SOX5: variants seen among roughly 807,000 people sequenced by gnomAD.
SOX5 encodes the protein transcription factor SOX-5.
SOX5 carries 9 observed loss-of-function variants against 92.0 expected under a neutral mutation model. The ratio of observed to expected loss-of-function variants is 0.10; its 90% confidence interval spans 0.06 to 0.17. SOX5 has a LOEUF of 0.17. Ranked by LOEUF, SOX5 falls within the 10% of genes least tolerant of loss-of-function variation. The probability of loss-of-function intolerance (pLI) is 1.00; values close to 1 mark genes in which losing one functional copy is unlikely to be tolerated. For missense variants in SOX5, 642 were observed against 944.5 expected, an observed-to-expected ratio of 0.68 and a Z score of 4.20; for synonymous variants, 344 against 336.3, an observed-to-expected ratio of 1.02 and a Z score of -0.25.
chr12:23,828,008 A>T (rs1448199901), intron 3 of SOX5, among the ~76,000 whole-genome samples: 1 of 152,194 alleles, frequency 6.6e-6, no homozygotes, highest in East Asian at 1.9e-4. Flanking sequence ...TTTATTCCAC[A>T]TATAGTTAAC....
upstream of SOX5, among the ~76,000 whole-genome samples, chr12:23,950,271 C>T (rs945307786): frequency 5.3e-5 from 8 of 151,988 alleles, no homozygotes; most frequent in African/African-American, 1.9e-4. Flanking sequence ...CGCACACACA[C>T]ACACACACAC....
chr12:23,985,751 A>G (rs769682542), intron 4 of SOX5, among the ~76,000 whole-genome samples: 3 of 152,094 alleles, frequency 2.0e-5, no homozygotes, highest in Non-Finnish European at 4.4e-5. Flanking sequence ...TTCATGGCTA[A>G]TAACCACAGA....
chr12:23,832,304 G>C (rs2096339892), intron 3 of SOX5, among the ~76,000 whole-genome samples: 1 of 151,932 alleles, frequency 6.6e-6, no homozygotes, highest in Admixed American at 6.6e-5. Flanking sequence ...TTGGGGAAAT[G>C]TATATAAATA....
At chr12:24,506,043 A>C (rs2138214016) in intron 1 of SOX5, among the ~76,000 whole-genome samples, 1 of 152,292 alleles carries the variant, frequency 6.6e-6, no homozygotes, top group African/African-American at 2.4e-5. Context: ...TTTCCTCATG[A>C]TATACTATTA....
At chr12:23,626,265 C>A (rs2077773963) in intron 8 of SOX5, among the ~76,000 whole-genome samples, 1 of 152,020 alleles carries the variant, frequency 6.6e-6, no homozygotes, top group African/African-American at 2.4e-5. Flanking sequence ...AAACAGCATT[C>A]TGATTTCTGC....
chr12:23,701,321 T>A (rs905503672), intron 6 of SOX5, among the ~76,000 whole-genome samples: 6 of 152,044 alleles, frequency 3.9e-5, no homozygotes, highest in African/African-American at 1.4e-4. Flanking sequence ...CAAGCTTTTC[T>A]TAAGAGAAAT....
intron 3 of SOX5, among the ~76,000 whole-genome samples, chr12:23,815,235 T>A (rs1038412363): frequency 6.6e-6 from 1 of 152,094 alleles, no homozygotes; most frequent in African/African-American, 2.4e-5. Flanking sequence ...GAGAAAATGA[T>A]AGAAATAAAC....
intron 4 of SOX5, among the ~76,000 whole-genome samples, chr12:24,090,868 T>C (rs796860384): frequency 3.9e-5 from 6 of 152,226 alleles, no homozygotes; most frequent in African/African-American, 1.4e-4. Context: ...TTGGGAGTGG[T>C]GGGAGAGGGA....
intron 4 of SOX5, among the ~76,000 whole-genome samples, chr12:23,744,455 G>A (rs2093912779): frequency 6.6e-6 from 1 of 152,040 alleles, no homozygotes; most frequent in South Asian, 2.1e-4. Flanking sequence ...CCACTTTCCT[G>A]TAATTTTAAA....
intron 4 of SOX5, among the ~76,000 whole-genome samples, chr12:24,112,521 CTTTTTTTTTTTTTT>C (rs139323766): frequency 2.6e-5 from 2 of 75,666 alleles, no homozygotes; most frequent in Non-Finnish European, 5.0e-5. Context: ...TTCAAGGTTC[CTTTTTTTTTTTTTT>C]TTTTTTTTTT....
intron 4 of SOX5, among the ~76,000 whole-genome samples, chr12:23,970,477 C>T (rs1164317499): frequency 6.6e-6 from 1 of 151,952 alleles, no homozygotes; most frequent in African/African-American, 2.4e-5. Flanking sequence ...CTCTGGTAAC[C>T]TCATATCTAC....
At position 24,343,026 on chromosome 12, in the gene SOX5, CTAG is replaced by C. The variant is rs371151035; in HGVS notation, c.-174+25534_-174+25536del. On this transcript the variant is annotated intron_variant, in intron 2 of 4. Coordinates refer to the SOX5 transcript ENST00000446891. ...AAATGCCCACACCCACCTTTTTAAACTAGTAGTAACTCCTCATTTTCCTAAAAG... is the reference window on the plus strand; with the variant it reads ...AAATGCCCACACCCACCTTTTTAAACTAGTAACTCCTCATTTTCCTAAAAG... 3.7e-4 allele frequency among the ~76,000 whole-genome samples: 57 copies of C among 152,342 alleles called. 1 individual carries two copies. In the East Asian group the frequency reaches 6.0e-3, roughly 16 times the overall value.
Position 24,446,816 on chromosome 12 carries a change from T to C in SOX5, c.-250-78177A>G, listed in dbSNP as rs73285515. On this transcript the variant is annotated intron_variant, in intron 1 of 4. Transcript: ENST00000446891. ...CAAAAAACAATAGCACACTATAAGA[T>C]GGGAGATTCATGAGTGAGCAGCAGC... Among the ~76,000 whole-genome samples, 878 of 152,130 alleles carry C rather than the reference T, an allele frequency of 5.8e-3. 7 individuals carry two copies. Among genetic ancestry groups the C allele is most frequent in the African/African-American group, 0.02 (846 of 41,502 alleles).
intron 1 of SOX5, among the ~76,000 whole-genome samples, chr12:24,382,355 C>T (rs972302315): frequency 1.3e-5 from 2 of 151,904 alleles, no homozygotes; most frequent in African/African-American, 4.8e-5. Flanking sequence ...TTGGTGGCTT[C>T]CACCACATAG....
intron 4 of SOX5, among the ~76,000 whole-genome samples, chr12:24,000,005 T>C (rs1421562675): frequency 6.6e-6 from 1 of 151,800 alleles, no homozygotes; most frequent in East Asian, 1.9e-4. Context: ...AAAGGGTTTA[T>C]AAAAGATAAT....
At chr12:23,998,352 T>C (rs988174802) in intron 4 of SOX5, among the ~76,000 whole-genome samples, 57 of 152,084 alleles carry the variant, frequency 3.7e-4, no homozygotes, top group African/African-American at 1.3e-3. Context: ...TAGAAATAAT[T>C]AGCAATTTTG....
intron 1 of SOX5, among the ~76,000 whole-genome samples, chr12:24,554,783 GT>G (rs1953600276): frequency 6.6e-6 from 1 of 152,100 alleles, no homozygotes; most frequent in East Asian, 1.9e-4. Context: ...TCTAAATGAC[GT>G]GGTCTTCATC....
intron 2 of SOX5, among the ~76,000 whole-genome samples, chr12:24,351,928 A>G (rs1216488561): frequency 6.6e-6 from 1 of 152,252 alleles, no homozygotes; most frequent in Admixed American, 6.5e-5. Context: ...TGTCTTGAAT[A>G]TAATAGTTAC....
upstream of SOX5, chr12:23,950,918 GT>G: frequency 6.5e-7 from 1 of 1,530,324 alleles, no homozygotes; most frequent in South Asian, 1.2e-5. Context: ...GCAGCATCTG[GT>G]CAGGGAGTAA....
Sources: gnomAD v4.1 joint callset for allele counts (sites outside exome capture counted in the v4.1 genomes callset) on GRCh38, gnomAD v4.1.1 for gene constraint, MANE v1.5 for transcripts, NCBI Gene and HGNC (gene_info 2026-07-23, HGNC 2026-07-21) for gene names.